Variants in CCDC102B observed in about 807,000 individuals in gnomAD.
CCDC102B encodes the protein coiled-coil domain containing 102B.
A neutral mutation model predicts 57.4 loss-of-function variants in CCDC102B; 75 were observed. The ratio of observed to expected loss-of-function variants is 1.31; its 90% CI spans 1.08 to 1.58. CCDC102B has a LOEUF of 1.58. CCDC102B is among the 40% of genes most tolerant of loss of function. The pLI is 0.00. For synonymous variants in CCDC102B, 206 were observed against 201.9 expected (o/e 1.02, Z -0.17); for missense variants, 636 against 582.6 (o/e 1.09, Z -0.94).
At chr18:68,733,953 T>A (rs1468589338) in intron 2 of CCDC102B, among the ~76,000 whole-genome samples, 1 of 152,214 alleles carries the variant, frequency 6.6e-6, no homozygotes, top group Non-Finnish European at 1.5e-5. Flanking sequence ...TGGCTGCGTT[T>A]CTGCGTTTCC....
At chr18:68,954,378 C>A (rs1159886190) in intron 6 of CCDC102B, among the ~76,000 whole-genome samples, 1 of 152,154 alleles carries the variant, frequency 6.6e-6, no homozygotes, top group Non-Finnish European at 1.5e-5. Flanking sequence ...CGAGATCATG[C>A]CACTGCGCTC....
At chr18:68,902,290 TTTA>T (rs1046031786) in intron 6 of CCDC102B, 52 of 152,210 alleles carry the variant, frequency 3.4e-4, no homozygotes, top group African/African-American at 1.2e-3. Context: ...ATAAATTTAT[TTTA>T]TTACCAGGTT....
intron 2 of CCDC102B, among the ~76,000 whole-genome samples, chr18:68,763,837 C>T (rs1370676197): frequency 6.6e-6 from 1 of 151,900 alleles, no homozygotes; most frequent in Non-Finnish European, 1.5e-5. Flanking sequence ...GTATTTCTTC[C>T]ATGTGAGTAT....
At chr18:68,769,875 A>G (rs918033852) in intron 2 of CCDC102B, among the ~76,000 whole-genome samples, 1 of 152,192 alleles carries the variant, frequency 6.6e-6, no homozygotes, top group African/African-American at 2.4e-5. Flanking sequence ...AACAAATGAG[A>G]AAGCACTGAA....
intron 6 of CCDC102B, among the ~76,000 whole-genome samples, chr18:68,954,266 G>A (rs1054394149): frequency 1.8e-4 from 28 of 151,928 alleles, no homozygotes; most frequent in African/African-American, 5.8e-4. Context: ...CTAAAAATAC[G>A]AAAATTAGCT....
chr18:68,809,457 A>G (rs2036161568), intron 1 of CCDC102B, among the ~76,000 whole-genome samples: 1 of 152,132 alleles, frequency 6.6e-6, no homozygotes, highest in Admixed American at 6.6e-5. Flanking sequence ...GTACATAAAA[A>G]CCTAATGAAA....
intron 2 of CCDC102B, among the ~76,000 whole-genome samples, chr18:68,742,183 G>A (rs2033421084): frequency 6.6e-6 from 1 of 152,090 alleles, no homozygotes; most frequent in Non-Finnish European, 1.5e-5. Context: ...TTTGTTTCAG[G>A]CTTCTCTTTT....
intron 7 of CCDC102B, among the ~76,000 whole-genome samples, chr18:69,025,576 G>A (rs1345626744): frequency 6.6e-6 from 1 of 152,110 alleles, no homozygotes; most frequent in Admixed American, 6.5e-5. Context: ...GCTCTACCAA[G>A]CAAGTCATAT....
At chr18:68,996,693 T>C (rs570304385) in intron 6 of CCDC102B, among the ~76,000 whole-genome samples, 104 of 152,206 alleles carry the variant, frequency 6.8e-4, no homozygotes, top group Non-Finnish European at 1.2e-3. Context: ...AGGAAGTTAC[T>C]AAATTGCTTT....
rs768879260 is a variant in CCDC102B at position 69,054,133 on chromosome 18, G to C, written c.1538G>C (p.Trp513Ser). The change falls in exon 8 of 8, where the codon TGG (tryptophan) becomes TCG (serine). Residue 513 changes from tryptophan (W) to serine (S), a missense_variant. Trp to Ser is a radical substitution (Grantham distance 177, BLOSUM62 -3). Coordinates refer to ENST00000360242, the MANE Select transcript of CCDC102B (RefSeq NM_024781.3). ...ACTGAACTCAGGCACTTGCAAAACT[G>C]GTAATTTTTTCACAAAATATGCTGA... ...LETELRHLQNW is the reference protein window; with the variant it reads ...LETELRHLQNS The C allele has an allele frequency of 6.3e-7, 1 of 1,590,990 alleles. No homozygotes were observed. The highest frequency in any genetic ancestry group is 8.5e-7 in the Non-Finnish European group (1 of 1,172,774).
intron 2 of CCDC102B, among the ~76,000 whole-genome samples, chr18:68,787,325 G>C (rs1205907033): frequency 6.6e-6 from 1 of 151,796 alleles, no homozygotes; most frequent in East Asian, 1.9e-4. Flanking sequence ...TTTGGTATCA[G>C]AATGATGCTG....
intron 4 of CCDC102B, among the ~76,000 whole-genome samples, chr18:68,871,058 A>C (rs2039220673): frequency 6.6e-6 from 1 of 152,188 alleles, no homozygotes. Context: ...CCAGAAGTGA[A>C]TTATAGCAGG....
chr18:69,027,252 A>C (rs2052017406), intron 7 of CCDC102B, among the ~76,000 whole-genome samples: 1 of 152,116 alleles, frequency 6.6e-6, no homozygotes, highest in South Asian at 2.1e-4. Flanking sequence ...GAGGCAAGGC[A>C]ATGGTTTAGA....
At position 69,030,017 on chromosome 18, in the gene CCDC102B, T is replaced by C. The variant is rs994829892; in HGVS notation, c.1434+18913T>C. Reference sequence around the variant, plus strand: ...ATGTCTTGCAATTAAACCAAAAGTGTGCCAGCTTTATTCTGTTTATTATTT... The same window carrying C: ...ATGTCTTGCAATTAAACCAAAAGTGCGCCAGCTTTATTCTGTTTATTATTT... On this transcript the variant is annotated intron_variant, in intron 7 of 7. Transcript: ENST00000360242. Among the ~76,000 whole-genome samples, 5 of 152,172 alleles carry C rather than the reference T, an allele frequency of 3.3e-5. No individual in the cohort carries two copies. The East Asian group carries it at 7.7e-4, about 23-fold the overall frequency.
At chr18:68,884,475 A>G (rs529214495) in intron 5 of CCDC102B, among the ~76,000 whole-genome samples, 176 of 152,066 alleles carry the variant, frequency 1.2e-3, no homozygotes, top group African/African-American at 4.1e-3. Flanking sequence ...ATTCAAATAT[A>G]TAGAGATAGA....
chr18:68,837,049 T>A lies in CCDC102B; in HGVS notation c.286T>A (p.Ser96Thr), dbSNP rs753217124. The A allele has an allele frequency of 6.2e-7, 1 of 1,614,080 alleles. No individual in the cohort carries two copies. The highest frequency in any genetic ancestry group is 1.1e-5 in the South Asian group (1 of 91,076). The change falls in exon 2 of 8, where the codon TCG becomes ACG. Residue 96 changes from serine (S) to threonine (T), a missense_variant. Ser to Thr is a moderately conservative substitution (Grantham distance 58). Coordinates refer to ENST00000360242, the MANE Select transcript of CCDC102B (RefSeq NM_024781.3). The part of the protein sequence containing the change: ...AQMEKTMRWW[S>T]DCTANWREKW... ...GATGGAAAAGACCATGCGGTGGTGG[T>A]CGGACTGCACTGCCAACTGGAGAGA...
At chr18:68,884,093 G>A (rs2039789805) in intron 5 of CCDC102B, among the ~76,000 whole-genome samples, 1 of 152,132 alleles carries the variant, frequency 6.6e-6, no homozygotes, top group South Asian at 2.1e-4. Flanking sequence ...AGCCATCATG[G>A]AAAACAATAC....
At chr18:69,002,202 G>T (rs1043510037) in intron 6 of CCDC102B, among the ~76,000 whole-genome samples, 1 of 152,132 alleles carries the variant, frequency 6.6e-6, no homozygotes, top group African/African-American at 2.4e-5. Flanking sequence ...TGAAAATCAG[G>T]ATGGCTTCAA....
At chr18:68,883,441 A>T (rs2039764715) in intron 5 of CCDC102B, among the ~76,000 whole-genome samples, 1 of 152,038 alleles carries the variant, frequency 6.6e-6, no homozygotes, top group Admixed American at 6.6e-5. Flanking sequence ...TATAAAAAGA[A>T]ACAACAGGTA....
Sources: allele counts gnomAD v4.1 joint callset (sites outside exome capture counted in the v4.1 genomes callset), GRCh38; gene constraint gnomAD v4.1.1; transcripts MANE v1.5; gene names NCBI Gene and HGNC (gene_info 2026-07-23, HGNC 2026-07-21).